Variants in RIN3 observed in about 807,000 individuals in gnomAD.
RIN3 encodes Ras and Rab interactor 3.
Under a neutral mutation model 76.3 loss-of-function variants are expected in RIN3, and 54 were observed. The ratio of observed to expected loss-of-function variants is 0.71; its 90% CI spans 0.57 to 0.89. The LOEUF (loss-of-function observed/expected upper bound fraction) is 0.89. Among genes scored for constraint, RIN3 ranks in the 40% least tolerant of loss-of-function variants. The pLI is 0.00. For synonymous variants in RIN3, 576 were observed against 564.0 expected (o/e 1.02, Z -0.30); for missense variants, 1,256 against 1,322.1 (o/e 0.95, Z 0.78).
intron 1 of RIN3, among the ~76,000 whole-genome samples, chr14:92,540,079 G>A (rs1297512170): frequency 3.9e-5 from 6 of 152,208 alleles, no homozygotes; most frequent in Admixed American, 1.3e-4. Flanking sequence ...GGAGAGTGCT[G>A]GACGCACACT....
chr14:92,545,338 C>T (rs949231795), intron 1 of RIN3, among the ~76,000 whole-genome samples: 4 of 151,762 alleles, frequency 2.6e-5, no homozygotes, highest in Admixed American at 1.3e-4. Flanking sequence ...TCTTGATCTC[C>T]TGACCTCGTG....
intron 1 of RIN3, among the ~76,000 whole-genome samples, chr14:92,538,441 T>C (rs1897059472): frequency 6.6e-6 from 1 of 152,232 alleles, no homozygotes; most frequent in South Asian, 2.1e-4. Context: ...CCTTATTCTA[T>C]GCCGGGCTTG....
chr14:92,651,462 G>A, intron 5 of RIN3, 120 bp from the exon 6 acceptor site: 1 of 602,402 alleles, frequency 1.7e-6, no homozygotes, highest in Middle Eastern at 5.4e-4. Context: ...CCTCGGAGTA[G>A]TGAAGCAAAT....
At chr14:92,598,460 T>C (rs1477285739) in intron 3 of RIN3, among the ~76,000 whole-genome samples, 1 of 152,214 alleles carries the variant, frequency 6.6e-6, no homozygotes, top group Non-Finnish European at 1.5e-5. Context: ...TACAATAAGA[T>C]AGCTATTATT....
In RIN3 at chr14:92,577,231, C is replaced by T. The variant is rs1233551324; in HGVS notation, c.250-129C>T. On this transcript the variant is annotated intron_variant, in intron 2 of 9. Transcript: ENST00000216487. ...GGCAGAACCCCCAGTGTCCCTGAGG[C>T]ATCCTTGATCTCCCTAGCCTGCCTC... 8.0e-6 allele frequency: 5 copies of T among 628,708 alleles called. No individual in the cohort carries two copies. In the South Asian group the frequency reaches 8.8e-5, roughly 11 times the overall value. The allele number at this position is 628,708 out of a possible 1,614,324, so 38.9% of individuals were successfully genotyped here. A position where few individuals can be genotyped will look rare whatever the true frequency, so the allele number is the denominator to read the frequency against.
At chr14:92,565,787 C>G (rs889645776) in intron 2 of RIN3, among the ~76,000 whole-genome samples, 7 of 152,278 alleles carry the variant, frequency 4.6e-5, no homozygotes, top group African/African-American at 1.4e-4. Flanking sequence ...TTTACCACAT[C>G]TTGTTTTATC....
At chr14:92,603,455 T>G (rs534492463) in intron 3 of RIN3, among the ~76,000 whole-genome samples, 1 of 152,318 alleles carries the variant, frequency 6.6e-6, no homozygotes, top group African/African-American at 2.4e-5. Context: ...CTTCAGCTTT[T>G]GTGCAACGAC....
chr14:92,658,583 T>C (rs932749099), intron 6 of RIN3, among the ~76,000 whole-genome samples: 2 of 152,174 alleles, frequency 1.3e-5, no homozygotes, highest in Non-Finnish European at 2.9e-5. Context: ...CAAGAGACTA[T>C]AAGGGCCAGG....
chr14:92,548,947 G>A (rs56098110), intron 1 of RIN3, among the ~76,000 whole-genome samples: 19,883 of 152,030 alleles, frequency 0.13, 1,384 homozygotes, highest in Admixed American at 0.2. Context: ...GCACCGTATG[G>A]TGTGGACTAT....
At chr14:92,686,068 G>A (rs1229845483) in intron 9 of RIN3, 3 of 152,432 alleles carry the variant, frequency 2.0e-5, no homozygotes, top group Non-Finnish European at 2.9e-5. Context: ...AAGGGTGAGA[G>A]TTGGACTAGT....
intron 7 of RIN3, among the ~76,000 whole-genome samples, chr14:92,665,448 G>A (rs567941838): frequency 2.9e-5 from 4 of 138,174 alleles, no homozygotes; most frequent in East Asian, 2.2e-4. Flanking sequence ...GCGCAATCTC[G>A]GCTCACTGCA....
chr14:92,659,451 A>G lies in RIN3; in HGVS notation c.2317A>G (p.Met773Val), dbSNP rs1887798187. 1.2e-6 allele frequency: 2 copies of G among 1,607,072 alleles called. No homozygotes were observed. The highest frequency in any genetic ancestry group is 1.7e-6 in the Non-Finnish European group (2 of 1,176,366). ...GACCTGCAAACTCATCTACGACTCC[A>G]TGGCCCTCGGCAACCCAGGTCAGTG... ...LKTCKLIYDS[M>V]ALGNPGKPYG... is the part of the protein sequence containing the mutation. The change falls in exon 7 of 10, where the codon ATG (methionine) becomes GTG (valine). Residue 773 changes from methionine (M) to valine (V), a missense_variant. This residue lies in a region of RIN3 where 428 missense variants were observed against 521.2 expected (regional missense o/e 0.82). Transcript: ENST00000216487.
At chr14:92,523,059 G>T (rs1896641297) in intron 1 of RIN3, among the ~76,000 whole-genome samples, 1 of 152,190 alleles carries the variant, frequency 6.6e-6, no homozygotes, top group Non-Finnish European at 1.5e-5. Context: ...CCCAGCTACA[G>T]ACTGCTTACC....
intron 6 of RIN3, among the ~76,000 whole-genome samples, chr14:92,655,095 G>T (rs1296290217): frequency 6.6e-6 from 1 of 152,156 alleles, no homozygotes; most frequent in Non-Finnish European, 1.5e-5. Context: ...AACCAGGGAG[G>T]CAGAGGTTGC....
intron 9 of RIN3, chr14:92,687,722 T>C (rs1888915894): frequency 1.8e-6 from 1 of 541,032 alleles, no homozygotes; most frequent in Non-Finnish European, 3.2e-6. Flanking sequence ...CTCCCAGAAC[T>C]GTCGGCCCAG....
At chr14:92,520,634 C>T (rs1896572971) in intron 1 of RIN3, among the ~76,000 whole-genome samples, 1 of 152,228 alleles carries the variant, frequency 6.6e-6, no homozygotes, top group African/African-American at 2.4e-5. Flanking sequence ...GGCACCCCAA[C>T]AGTAGCAGAG....
At chr14:92,545,113 T>C (rs1032331145) in intron 1 of RIN3, among the ~76,000 whole-genome samples, 3 of 141,532 alleles carry the variant, frequency 2.1e-5, no homozygotes, top group African/African-American at 5.2e-5. Flanking sequence ...GGTGTTTTTT[T>C]TTTTTTTTTT....
chr14:92,582,455 TTTTTTTC>T (rs995470045), intron 3 of RIN3, among the ~76,000 whole-genome samples: 6 of 133,312 alleles, frequency 4.5e-5, no homozygotes, highest in African/African-American at 1.9e-4. Flanking sequence ...TTTTTTTTTT[TTTTTTTC>T]CCTGAGATGG....
At chr14:92,597,076 C>T (rs1048200889) in intron 3 of RIN3, among the ~76,000 whole-genome samples, 2 of 152,172 alleles carry the variant, frequency 1.3e-5, no homozygotes, top group African/African-American at 2.4e-5. Flanking sequence ...TGGTAATACC[C>T]ATCTCACAGA....
Sources: gnomAD v4.1 joint callset for allele counts (sites outside exome capture counted in the v4.1 genomes callset) on GRCh38, gnomAD v4.1.1 for gene constraint, gnomAD v4.1.1 regional missense constraint, MANE v1.5 for transcripts, NCBI Gene and HGNC (gene_info 2026-07-23, HGNC 2026-07-21) for gene names.